The following TPTE variants were observed in gnomAD, a reference collection of about 807,000 sequenced individuals.
The protein encoded by TPTE is putative tyrosine-protein phosphatase TPTE.
A neutral mutation model predicts 84.1 loss-of-function variants in TPTE; 59 were observed. That is an observed-to-expected ratio of 0.70 (90% CI 0.57 to 0.87). The LOEUF is 0.87. Ranked by LOEUF, TPTE falls within the 40% of genes least tolerant of loss-of-function variation. TPTE has a pLI of 0.00. For missense variants in TPTE, 382 were observed against 659.6 expected, an observed-to-expected ratio of 0.58 and a Z score of 4.61; for synonymous variants, 130 against 223.5, an observed-to-expected ratio of 0.58 and a Z score of 3.73.
chr21:10,550,992 C>T (rs1177023714), intron 7 of TPTE, among the ~76,000 whole-genome samples: 2 of 152,290 alleles, frequency 1.3e-5, no homozygotes, highest in Non-Finnish European at 2.9e-5. Flanking sequence ...AACAACATGC[C>T]CTTGAGTTAC....
At chr21:10,577,841 C>T (rs1303422385) in intron 15 of TPTE, among the ~76,000 whole-genome samples, 1 of 152,312 alleles carries the variant, frequency 6.6e-6, no homozygotes, top group Non-Finnish European at 1.5e-5. Context: ...GTTATGAGGA[C>T]ATAGACAATT....
At chr21:10,529,569 C>T (rs143888318) in intron 3 of TPTE, among the ~76,000 whole-genome samples, 2,341 of 151,408 alleles carry the variant, frequency 0.015, no homozygotes, top group East Asian at 0.15. Context: ...AATATTACAA[C>T]ATCTTTTATA....
chr21:10,563,352 G>T (rs1033344252), intron 10 of TPTE, among the ~76,000 whole-genome samples: 6 of 152,306 alleles, frequency 3.9e-5, no homozygotes, highest in African/African-American at 1.2e-4. Context: ...ACAGAAAAAT[G>T]CAGAATGTCA....
intron 10 of TPTE, among the ~76,000 whole-genome samples, chr21:10,565,706 C>G (rs1166320833): frequency 6.6e-6 from 1 of 152,308 alleles, no homozygotes; most frequent in Non-Finnish European, 1.5e-5. Context: ...AATCCACACA[C>G]ACTTACAGTG....
chr21:10,583,758 T>C (rs1320338990), intron 17 of TPTE, among the ~76,000 whole-genome samples: 62 of 152,316 alleles, frequency 4.1e-4, no homozygotes, highest in Non-Finnish European at 7.6e-4. Context: ...TTTCATCTTT[T>C]TTCATGTATG....
At position 10,605,540 on chromosome 21, in the gene TPTE, T is replaced by C; in HGVS notation, c.1644T>C (p.Ala548=). ...GEKMTSSDVV[A]GSD ...AAATGACTTCCAGTGATGTTGTAGCTGGATCCGATTAAGTATAGCTCCCCC... is the reference window on the plus strand; with the variant it reads ...AAATGACTTCCAGTGATGTTGTAGCCGGATCCGATTAAGTATAGCTCCCCC... Residue 548 remains alanine (A), a synonymous_variant, in exon 24 of 24, where the codon GCT becomes GCC. Coordinates refer to ENST00000618007, the MANE Select transcript of TPTE (RefSeq NM_199261.4). The C allele has an allele frequency of 6.2e-7, 1 of 1,614,140 alleles. No individual in the cohort carries two copies. Among genetic ancestry groups the C allele is most frequent in the East Asian group, 2.2e-5 (1 of 44,884 alleles).
chr21:10,546,820 AG>A (rs2074476155), intron 7 of TPTE, among the ~76,000 whole-genome samples: 1 of 152,310 alleles, frequency 6.6e-6, no homozygotes, highest in Admixed American at 6.5e-5. Context: ...TGACGCTAAA[AG>A]GTTTGTTCAT....
At chr21:10,581,917 T>TAG in intron 17 of TPTE, among the ~76,000 whole-genome samples, 1 of 152,312 alleles carries the variant, frequency 6.6e-6, no homozygotes, top group Non-Finnish European at 1.5e-5. Flanking sequence ...GTATTTTTTA[T>TAG]AGAGACAGGG....
intron 17 of TPTE, among the ~76,000 whole-genome samples, chr21:10,581,616 T>C (rs1386542052): frequency 1.3e-5 from 2 of 152,312 alleles, no homozygotes; most frequent in African/African-American, 2.4e-5. Context: ...TTATATTGAT[T>C]TATAGAAGTT....
intron 19 of TPTE, among the ~76,000 whole-genome samples, chr21:10,592,805 G>GGTGTGTGTGTGTGTGTGTGTGT (rs4041809): frequency 8.9e-4 from 132 of 148,574 alleles, no homozygotes; most frequent in African/African-American, 2.7e-3. Context: ...GATGACTCCT[G>GGTGTGTGTGTGTGTGTGTGTGT]GTGTGTGTGT....
chr21:10,567,652 T>G lies in TPTE; in HGVS notation c.447-18T>G. 6.2e-7 allele frequency: 1 copy of G among 1,609,048 alleles called. No homozygotes were observed. The highest frequency in any genetic ancestry group is 8.5e-7 in the Non-Finnish European group (1 of 1,178,638). ...TTGCAGGGGGGAATGAACTTATTTTTTTTGTTTTATATTACAGGAGACAGC... is the reference window on the plus strand; with the variant it reads ...TTGCAGGGGGGAATGAACTTATTTTGTTTGTTTTATATTACAGGAGACAGC... On this transcript the variant is annotated intron_variant, in intron 10 of 23. Coordinates refer to ENST00000618007, the MANE Select transcript of TPTE (RefSeq NM_199261.4).
At chr21:10,532,282 T>A (rs797014817) in intron 3 of TPTE, among the ~76,000 whole-genome samples, 79 of 152,386 alleles carry the variant, frequency 5.2e-4, no homozygotes, top group African/African-American at 1.8e-3. Context: ...CCATTCCATC[T>A]AAGTTTTCAC....
At chr21:10,559,304 T>C (rs1251648669) in intron 8 of TPTE, among the ~76,000 whole-genome samples, 190 bp from the exon 9 acceptor site, 1 of 152,308 alleles carries the variant, frequency 6.6e-6, no homozygotes, top group Non-Finnish European at 1.5e-5. Context: ...CTGGATAGCA[T>C]AGTAAACAAG....
In TPTE at chr21:10,605,651, A is replaced by G. The variant is rs1979222976; in HGVS notation, c.*99A>G. ...ATCTATCCTAAATGTTCCTTGAAGT[A>G]TTTATTTATGTTTATATATGTTTAT... On this transcript the variant is annotated 3_prime_UTR_variant, in exon 24 of 24. Coordinates refer to ENST00000618007, the MANE Select transcript of TPTE (RefSeq NM_199261.4). 5 of 1,568,964 alleles carry G rather than the reference A, an allele frequency of 3.2e-6. No homozygotes were observed. Among genetic ancestry groups the G allele is most frequent in the Non-Finnish European group, 4.3e-6 (5 of 1,160,816 alleles).
In TPTE at chr21:10,543,187, G is replaced by C. The variant is rs528326085; in HGVS notation, c.120-142G>C. 293 of 1,154,800 alleles carry C rather than the reference G, an allele frequency of 2.5e-4. 2 individuals are homozygous for C. The Middle Eastern group carries it at 2.7e-3, about 11-fold the overall frequency. 71.5% of individuals were successfully genotyped at this position (1,154,800 alleles called of 1,614,324 possible). On this transcript the variant is annotated intron_variant, in intron 6 of 23. Transcript: ENST00000618007. Reference sequence around the variant, plus strand: ...TGGGACTACAGGCGCCCGCCACCGCGCCCAGCTAATTTTTTTTTGTATTTT... The same window carrying C: ...TGGGACTACAGGCGCCCGCCACCGCCCCCAGCTAATTTTTTTTTGTATTTT...
At chr21:10,554,796 G>T (rs1401234931) in intron 8 of TPTE, among the ~76,000 whole-genome samples, 1 of 152,306 alleles carries the variant, frequency 6.6e-6, no homozygotes, top group Non-Finnish European at 1.5e-5. Context: ...TATCTGCCCT[G>T]AATTTACTTT....
At chr21:10,531,597 C>T (rs1476708480) in intron 3 of TPTE, among the ~76,000 whole-genome samples, 1 of 152,304 alleles carries the variant, frequency 6.6e-6, no homozygotes, top group Non-Finnish European at 1.5e-5. Context: ...TGGACTATCG[C>T]TTTATGTATT....
At chr21:10,556,522 T>C in intron 8 of TPTE, among the ~76,000 whole-genome samples, 1 of 152,310 alleles carries the variant, frequency 6.6e-6, no homozygotes, top group Non-Finnish European at 1.5e-5. Flanking sequence ...TGTGTCTTTA[T>C]AGCAGCATGA....
chr21:10,564,031 G>A (rs186147569), intron 10 of TPTE, among the ~76,000 whole-genome samples: 598 of 152,128 alleles, frequency 3.9e-3, no homozygotes, highest in African/African-American at 0.013. Context: ...GTGCGCACCC[G>A]TAGTCCCAGC....
Sources: allele counts gnomAD v4.1 joint callset (sites outside exome capture counted in the v4.1 genomes callset), GRCh38; gene constraint gnomAD v4.1.1; transcripts MANE v1.5; gene names NCBI Gene and HGNC (gene_info 2026-07-23, HGNC 2026-07-21).